GRIP1: variants seen among roughly 807,000 people sequenced by gnomAD.
GRIP1 encodes the protein glutamate receptor-interacting protein 1.
In GRIP1, 45 loss-of-function variants were observed where a neutral mutation model predicts 129.9. That is an observed-to-expected ratio of 0.35 (90% CI 0.27 to 0.44). The LOEUF (loss-of-function observed/expected upper bound fraction) is 0.44. GRIP1 is among the 20% of genes least tolerant of loss of function. GRIP1 has a pLI of 1.00. For synonymous variants in GRIP1, 530 were observed against 520.8 expected (o/e 1.02, Z -0.24); for missense variants, 1,196 against 1,396.8 (o/e 0.86, Z 2.29).
intron 1 of GRIP1, among the ~76,000 whole-genome samples, chr12:66,796,360 A>C (rs2038698860): frequency 6.6e-6 from 1 of 152,138 alleles, no homozygotes. Flanking sequence ...AATGAATGTC[A>C]AAGAAACAAG....
chr12:66,901,240 G>A (rs1164972294), intron 1 of GRIP1, among the ~76,000 whole-genome samples: 1 of 152,176 alleles, frequency 6.6e-6, no homozygotes, highest in Non-Finnish European at 1.5e-5. Flanking sequence ...TCAAAAGAAA[G>A]AATGAAACCA....
In GRIP1 at chr12:66,539,545, C is replaced by CTTTTTTTTT. The variant is rs35373698; in HGVS notation, c.273-331_273-323dup. ...CACCATAAAACAAAATCAAGAGAAG[C>CTTTTTTTTT]TTTTTTTTTTTTTTTTTTTTTTTTC... On this transcript the variant is annotated intron_variant, in intron 3 of 24. Transcript: ENST00000359742. 7.0e-3 allele frequency among the ~76,000 whole-genome samples: 415 copies of CTTTTTTTTT among 59,274 alleles called. 2 individuals carry two copies. The highest frequency in any genetic ancestry group is 0.023 in the Middle Eastern group (1 of 44). 38.9% of individuals were successfully genotyped at this position (59,274 alleles called of 152,430 possible).
intron 1 of GRIP1, among the ~76,000 whole-genome samples, chr12:66,976,854 T>A (rs2042160035): frequency 6.6e-6 from 1 of 152,208 alleles, no homozygotes; most frequent in Non-Finnish European, 1.5e-5. Context: ...AACTCTTCTT[T>A]ACTGCCTTAA....
Position 66,499,923 on chromosome 12 carries a change from TAGCTTGAG to T in GRIP1, c.724+15688_724+15695del, listed in dbSNP as rs1592437827. On this transcript the variant is annotated intron_variant, in intron 7 of 24. Coordinates refer to ENST00000359742, the MANE Select transcript of GRIP1 (RefSeq NM_001366722.1). ...TACTCAGGAGGCTGAGGTGGGAGGA[TAGCTTGAG>T]CCCAGGGGGTCAGGGCTGCTGTGAA... Among the ~76,000 whole-genome samples the T allele has an allele frequency of 1.4e-4, 22 of 152,214 alleles. No individual in the cohort carries two copies. The East Asian group carries it at 4.2e-3, about 29-fold the overall frequency.
chr12:66,396,545 G>A (rs192314235), intron 16 of GRIP1, among the ~76,000 whole-genome samples: 81 of 152,254 alleles, frequency 5.3e-4, no homozygotes, highest in Non-Finnish European at 1.0e-3. Flanking sequence ...ATGGCTTTAG[G>A]ATAGTCTGTT....
chr12:66,460,340 C>T (rs117474528), intron 9 of GRIP1, among the ~76,000 whole-genome samples: 1 of 152,156 alleles, frequency 6.6e-6, no homozygotes, highest in African/African-American at 2.4e-5. Context: ...ACTTTTCTTT[C>T]TTCTTTCTCT....
intron 1 of GRIP1, among the ~76,000 whole-genome samples, chr12:66,655,690 A>G (rs1013917186): frequency 1.3e-5 from 2 of 150,134 alleles, no homozygotes; most frequent in Admixed American, 1.3e-4. Context: ...GCTCACTGCA[A>G]GCTCCGCCTC....
At position 66,727,912 on chromosome 12, in the gene GRIP1, T is replaced by C. The variant is rs188961593; in HGVS notation, c.-420+76141A>G. On this transcript the variant is annotated intron_variant, in intron 1 of 4. Transcript: ENST00000538373. ...AATTCTACATTGAGAAAGGTTTTAATTTGCCCAAGAGCATGGGCAAGAAAT... is the reference window on the plus strand; with the variant it reads ...AATTCTACATTGAGAAAGGTTTTAACTTGCCCAAGAGCATGGGCAAGAAAT... Among the ~76,000 whole-genome samples, 254 of 152,332 alleles carry C rather than the reference T, an allele frequency of 1.7e-3. 1 individual carries two copies. Among genetic ancestry groups the C allele is most frequent in the Admixed American group, 2.5e-3 (39 of 15,306 alleles).
At chr12:66,787,208 G>A (rs1481093961) in intron 1 of GRIP1, among the ~76,000 whole-genome samples, 2 of 152,162 alleles carry the variant, frequency 1.3e-5, no homozygotes, top group Admixed American at 1.3e-4. Context: ...GCTCCAGACA[G>A]ATGAACTGAA....
chr12:66,683,155 C>CG (rs572479869), upstream of GRIP1, among the ~76,000 whole-genome samples: 9 of 152,154 alleles, frequency 5.9e-5, 1 homozygote, highest in South Asian at 1.9e-3. Flanking sequence ...ATGCGACTCT[C>CG]ACCCACTTTT....
At chr12:66,652,415 C>T (rs2032864357) in intron 1 of GRIP1, among the ~76,000 whole-genome samples, 1 of 152,182 alleles carries the variant, frequency 6.6e-6, no homozygotes, top group African/African-American at 2.4e-5. Context: ...CCTGAGGCCT[C>T]CCCAGCCACA....
intron 1 of GRIP1, among the ~76,000 whole-genome samples, chr12:66,655,579 C>T (rs1434993283): frequency 1.3e-5 from 2 of 149,446 alleles, no homozygotes; most frequent in African/African-American, 4.9e-5. Context: ...CCACCATACA[C>T]TAATATTTTT....
At chr12:66,453,838 C>T (rs2058876805) in intron 11 of GRIP1, among the ~76,000 whole-genome samples, 1 of 152,132 alleles carries the variant, frequency 6.6e-6, no homozygotes, top group Admixed American at 6.5e-5. Flanking sequence ...GGGATGGAAC[C>T]CAGGTAGCCT....
At chr12:66,377,741 C>T (rs1372588428) in intron 20 of GRIP1, among the ~76,000 whole-genome samples, 1 of 150,950 alleles carries the variant, frequency 6.6e-6, no homozygotes, top group Non-Finnish European at 1.5e-5. Flanking sequence ...CTGTGCCCTC[C>T]AAGAGTATGA....
At chr12:66,976,291 A>G (rs2042150136) in intron 1 of GRIP1, among the ~76,000 whole-genome samples, 1 of 152,182 alleles carries the variant, frequency 6.6e-6, no homozygotes, top group African/African-American at 2.4e-5. Context: ...ATTACCAGTG[A>G]TACTGAACAT....
At chr12:66,481,398 A>ATGTT (rs2059801927) in intron 7 of GRIP1, among the ~76,000 whole-genome samples, 1 of 152,220 alleles carries the variant, frequency 6.6e-6, no homozygotes, top group South Asian at 2.1e-4. Flanking sequence ...CCACAATGAG[A>ATGTT]TACCATCTCA....
chr12:67,043,521 T>C (rs111430870), intron 1 of GRIP1, among the ~76,000 whole-genome samples: 65 of 152,110 alleles, frequency 4.3e-4, no homozygotes, highest in Non-Finnish European at 7.8e-4. Flanking sequence ...TTCCCCATTT[T>C]CTCAAAGATC....
At chr12:66,610,795 A>G (rs1210764286) in intron 1 of GRIP1, among the ~76,000 whole-genome samples, 1 of 152,158 alleles carries the variant, frequency 6.6e-6, no homozygotes, top group African/African-American at 2.4e-5. Flanking sequence ...GTCAAAAGTG[A>G]TAACTCAAGC....
At chr12:66,410,067 G>A (rs967786100) in intron 15 of GRIP1, among the ~76,000 whole-genome samples, 3 of 149,730 alleles carry the variant, frequency 2.0e-5, no homozygotes, top group Non-Finnish European at 4.4e-5. Context: ...CGGCTAAAAC[G>A]GTGAAACCCC....
Sources: gnomAD v4.1 joint callset for allele counts (sites outside exome capture counted in the v4.1 genomes callset) on GRCh38, gnomAD v4.1.1 for gene constraint, MANE v1.5 for transcripts, NCBI Gene and HGNC (gene_info 2026-07-23, HGNC 2026-07-21) for gene names.